The following UIMC1 variants were observed in gnomAD, a reference collection of about 807,000 sequenced individuals.
The protein encoded by UIMC1 is BRCA1-A complex subunit RAP80.
UIMC1 carries 42 observed loss-of-function variants against 84.9 expected under a neutral mutation model. The ratio of observed to expected loss-of-function variants is 0.49; its 90% CI spans 0.39 to 0.64. The LOEUF (loss-of-function observed/expected upper bound fraction) is 0.64, where lower values mean the gene tolerates loss of function less well. UIMC1 is among the 30% of genes least tolerant of loss of function. The pLI is 0.00. For synonymous variants in UIMC1, 281 were observed against 293.0 expected, an observed-to-expected ratio of 0.96 and a Z score of 0.42; for missense variants, 825 against 847.6, an observed-to-expected ratio of 0.97 and a Z score of 0.33.
chr5:177,013,627 C>T (rs1269683083), intron 1 of UIMC1, among the ~76,000 whole-genome samples: 1 of 152,102 alleles, frequency 6.6e-6, no homozygotes, highest in African/African-American at 2.4e-5. Context: ...GATATAACTT[C>T]CAGTTAAAGG....
intron 2 of UIMC1, among the ~76,000 whole-genome samples, chr5:176,977,840 A>G (rs1770372214): frequency 6.6e-6 from 1 of 151,592 alleles, no homozygotes; most frequent in Admixed American, 6.6e-5. Flanking sequence ...GAACCTGGGA[A>G]GCAGAGGTTG....
intron 2 of UIMC1, among the ~76,000 whole-genome samples, chr5:176,976,819 G>C (rs763937762): frequency 6.6e-6 from 1 of 152,232 alleles, no homozygotes; most frequent in Non-Finnish European, 1.5e-5. Context: ...GTTTTTTCTG[G>C]GAGTAATGAA....
chr5:176,943,384 C>T lies in UIMC1; in HGVS notation c.1548G>A (p.Lys516=), dbSNP rs1359444268. The T allele has an allele frequency of 6.2e-7, 1 of 1,614,020 alleles. No homozygotes were observed. Among genetic ancestry groups the T allele is most frequent in the East Asian group, 2.2e-5 (1 of 44,894 alleles). Residue 516 remains lysine (K), a synonymous_variant, in exon 10 of 15, where the codon AAG becomes AAA. Coordinates refer to ENST00000511320, the MANE Select transcript of UIMC1 (RefSeq NM_001199298.2). ...PLCDQCFPPT[K]IERHAMYCNG... ...TGCAGTACATGGCATGTCGTTCAAT[C>T]TTTGTGGGTGGAAAGCATTGGTCAC...
chr5:176,927,407 C>CCA (rs1348650011), intron 10 of UIMC1, among the ~76,000 whole-genome samples: 1 of 152,008 alleles, frequency 6.6e-6, no homozygotes. Flanking sequence ...GTGTGCAGCA[C>CCA]CACACCTGGC....
chr5:176,923,876 T>A (rs528478515), intron 10 of UIMC1, among the ~76,000 whole-genome samples: 1,796 of 133,542 alleles, frequency 0.013, 35 homozygotes, highest in African/African-American at 0.047. Flanking sequence ...AAAAAAAAAA[T>A]ATATATATAT....
At position 176,997,601 on chromosome 5, in the gene UIMC1, C is replaced by T. The variant is rs533693219; in HGVS notation, c.-9+9049G>A. Among the ~76,000 whole-genome samples the T allele has an allele frequency of 9.3e-5, 14 of 150,324 alleles. No individual in the cohort carries two copies. The East Asian group carries it at 2.2e-3, about 23-fold the overall frequency. On this transcript the variant is annotated intron_variant, in intron 1 of 14. Coordinates refer to ENST00000511320, the MANE Select transcript of UIMC1 (RefSeq NM_001199298.2). ...TGAGGAGGCTGAGGCAGGAGAATGC[C>T]GTGAACCCAGGAGACGGAGCTTGCA...
intron 10 of UIMC1, among the ~76,000 whole-genome samples, chr5:176,923,283 AAC>A (rs941021340): frequency 6.6e-6 from 1 of 152,212 alleles, no homozygotes; most frequent in Non-Finnish European, 1.5e-5. Flanking sequence ...TAAAAATAAA[AAC>A]ACAGATCAGT....
At chr5:176,924,796 T>C (rs1293082261) in intron 10 of UIMC1, among the ~76,000 whole-genome samples, 1 of 151,932 alleles carries the variant, frequency 6.6e-6, no homozygotes, top group Non-Finnish European at 1.5e-5. Context: ...ATCCCAGCAC[T>C]TTGGGAGGCT....
chr5:176,919,625 AGC>A (rs1761452580), intron 10 of UIMC1, among the ~76,000 whole-genome samples: 1 of 152,082 alleles, frequency 6.6e-6, no homozygotes, highest in Non-Finnish European at 1.5e-5. Flanking sequence ...TGCCTATAAA[AGC>A]TTTATGACTT....
intron 10 of UIMC1, among the ~76,000 whole-genome samples, chr5:176,938,605 G>A (rs533953125): frequency 1.8e-4 from 27 of 152,250 alleles, no homozygotes; most frequent in Admixed American, 9.8e-4. Flanking sequence ...GCTCTCTTAG[G>A]AAGATTAAGA....
At chr5:176,990,304 C>G (rs911709040) in intron 1 of UIMC1, among the ~76,000 whole-genome samples, 16 of 152,176 alleles carry the variant, frequency 1.1e-4, no homozygotes, top group African/African-American at 3.9e-4. Context: ...GCCCCTTTTA[C>G]CCTTCTGCCA....
intron 8 of UIMC1, among the ~76,000 whole-genome samples, chr5:176,955,520 G>C (rs916050562): frequency 6.6e-6 from 1 of 152,098 alleles, no homozygotes; most frequent in South Asian, 2.1e-4. Context: ...CTTAAGCCCC[G>C]AAGTTCAAGG....
intron 10 of UIMC1, among the ~76,000 whole-genome samples, chr5:176,913,895 T>C (rs1202561321): frequency 6.6e-6 from 1 of 152,180 alleles, no homozygotes; most frequent in African/African-American, 2.4e-5. Flanking sequence ...GAGGATCGCC[T>C]GAGCCAGGAG....
chr5:176,911,399 T>C lies in UIMC1; in HGVS notation c.1598-10A>G, dbSNP rs756905538. 2.6e-6 allele frequency: 4 copies of C among 1,546,186 alleles called. No individual in the cohort carries two copies. The highest frequency in any genetic ancestry group is 4.9e-5 in the East Asian group (2 of 41,142). On this transcript the variant is annotated splice_polypyrimidine_tract_variant and intron_variant, in intron 10 of 14. Transcript: ENST00000511320. ...TGTCTCCGAGTCAATACTTTTAATA[T>C]AAAAAATATATATATATACACATAG...
At chr5:176,994,955 C>T (rs1335491882) in intron 1 of UIMC1, among the ~76,000 whole-genome samples, 2 of 150,704 alleles carry the variant, frequency 1.3e-5, no homozygotes, top group Admixed American at 6.6e-5. Flanking sequence ...CACTCTGGGG[C>T]GGGGTGTGGG....
Position 176,914,039 on chromosome 5 carries a change from C to CACCATACCATACCATACCAT in UIMC1, c.1598-2670_1598-2651dup, listed in dbSNP as rs79787456. Among the ~76,000 whole-genome samples, 607 of 139,960 alleles carry CACCATACCATACCATACCAT rather than the reference C, an allele frequency of 4.3e-3. 3 individuals carry two copies. The highest frequency in any genetic ancestry group is 0.016 in the African/African-American group (572 of 36,096). The allele number at this position is 139,960 out of a possible 152,430, so 91.8% of individuals were successfully genotyped here. A position where few individuals can be genotyped will look rare whatever the true frequency, so the allele number is the denominator to read the frequency against. On this transcript the variant is annotated intron_variant, in intron 10 of 14. Transcript: ENST00000511320. ...ATACCATACACCATACCATACCATACACCATACCATACCATACCATACCAT... is the reference window on the plus strand; with the variant it reads ...ATACCATACACCATACCATACCATACACCATACCATACCATACCATACCATACCATACCATACCATACCAT...
chr5:177,019,892 A>G (rs1256640944), intron 1 of UIMC1, among the ~76,000 whole-genome samples: 2 of 151,994 alleles, frequency 1.3e-5, no homozygotes, highest in Non-Finnish European at 2.9e-5. Context: ...AGATGGTGCC[A>G]CTGCACTCCA....
Position 177,017,654 on chromosome 5 carries a change from G to A in UIMC1, c.-9+4810C>T, listed in dbSNP as rs1176790549. 4.7e-5 allele frequency among the ~76,000 whole-genome samples: 7 copies of A among 150,170 alleles called. No individual in the cohort carries two copies. In the East Asian group the frequency reaches 1.2e-3, roughly 25 times the overall value. ...CCCAAAGTGCTATGATTACAGGCCTGAGCCACCACGCTGGCCCTTTTTTTT... is the reference window on the plus strand; with the variant it reads ...CCCAAAGTGCTATGATTACAGGCCTAAGCCACCACGCTGGCCCTTTTTTTT... On this transcript the variant is annotated intron_variant, in intron 1 of 5. Transcript: ENST00000509236.
At position 176,906,054 on chromosome 5, in the gene UIMC1, T is replaced by C; in HGVS notation, c.1913-7A>G. 6.2e-7 allele frequency: 1 copy of C among 1,613,600 alleles called. No individual in the cohort carries two copies. The highest frequency in any genetic ancestry group is 8.5e-7 in the Non-Finnish European group (1 of 1,179,774). ...GAAGACTTGATGTCTGCATCTGTGA[T>C]ATAAAAGAAAAAATAATAATGTTGG... is the stretch of plus-strand genomic sequence containing the variant. On this transcript the variant is annotated splice_region_variant and splice_polypyrimidine_tract_variant and intron_variant, in intron 13 of 14. Coordinates refer to ENST00000511320, the MANE Select transcript of UIMC1 (RefSeq NM_001199298.2).
Sources: gnomAD v4.1 joint callset for allele counts (sites outside exome capture counted in the v4.1 genomes callset) on GRCh38, gnomAD v4.1.1 for gene constraint, MANE v1.5 for transcripts, NCBI Gene and HGNC (gene_info 2026-07-23, HGNC 2026-07-21) for gene names.